Variants in AATK observed in about 807,000 individuals in gnomAD.
The protein encoded by AATK is lemur tail kinase 1.
AATK carries 91 observed loss-of-function variants against 114.3 expected under a neutral mutation model. That is an observed-to-expected ratio of 0.80 (90% CI 0.67 to 0.95). AATK has a LOEUF of 0.95. Ranked by LOEUF, AATK falls within the 40% of genes least tolerant of loss-of-function variation. The pLI is 0.00. For missense variants in AATK, 2,176 were observed against 1,965.2 expected (o/e 1.11, Z -2.03); for synonymous variants, 1,075 against 916.5 (o/e 1.17, Z -3.12).
chr17:81,130,441 G>A (rs1227407692), intron 3 of AATK, among the ~76,000 whole-genome samples: 1 of 152,270 alleles, frequency 6.6e-6, no homozygotes, highest in South Asian at 2.1e-4. Context: ...CCTAGGATGG[G>A]GGCAGATGAG....
At chr17:81,129,558 C>G (rs369854419) in intron 3 of AATK, among the ~76,000 whole-genome samples, 116 of 152,328 alleles carry the variant, frequency 7.6e-4, no homozygotes, top group African/African-American at 2.7e-3. Flanking sequence ...CAATCTCTCT[C>G]CTCCCTAGAA....
At position 81,126,391 on chromosome 17, in the gene AATK, AGGGCTTCCCGGCCGCT is replaced by A. The variant is rs776192439; in HGVS notation, c.755+20_755+35del. 8.5e-6 allele frequency: 13 copies of A among 1,538,206 alleles called. No homozygotes were observed. In the South Asian group the frequency reaches 1.6e-4, roughly 18 times the overall value. Reference sequence around the variant, plus strand: ...TTCCTTCAGGGGAGGGGCCTGGCCTAGGGCTTCCCGGCCGCTGGCCCGCGCCCGCCCTCACCTGTGC... The same window carrying A: ...TTCCTTCAGGGGAGGGGCCTGGCCTAGGCCCGCGCCCGCCCTCACCTGTGC... On this transcript the variant is annotated intron_variant, in intron 7 of 13. Transcript: ENST00000326724. The surrounding 1 kb of genome is among the most constrained non-coding windows in gnomAD (Gnocchi z 5.1).
In AATK at chr17:81,120,987, G is replaced by A; in HGVS notation, c.2949C>T (p.Leu983=). The change falls in exon 11 of 14, where the codon CTC becomes CTT. Residue 983 remains leucine (L), a synonymous_variant. Coordinates refer to ENST00000326724, the MANE Select transcript of AATK (RefSeq NM_001080395.3). ...AGGGATTCTTCTCGTTGAGGCCACT[G>A]AGGGAGGTGGAGAGCCGTGTCTCGG... ...PGPETRLSTS[L]SGLNEKNPYR... is the part of the protein sequence containing the mutation. 6.2e-7 allele frequency: 1 copy of A among 1,610,602 alleles called. No individual in the cohort carries two copies. The highest frequency in any genetic ancestry group is 8.5e-7 in the Non-Finnish European group (1 of 1,179,084).
rs1043388691 is a variant in AATK, at chr17:81,118,086, C to T, written c.*316G>A. 1.3e-5 allele frequency: 4 copies of T among 311,614 alleles called. No individual in the cohort carries two copies. The highest frequency in any genetic ancestry group is 1.8e-5 in the Non-Finnish European group (3 of 167,578). The allele number at this position is 311,614 out of a possible 1,614,324, so 19.3% of individuals were successfully genotyped here. Reference sequence around the variant, plus strand: ...AGGCAGGGCAGAGGGTGGGGGCCGCCGTGCCCAGGGGCACTGGCCCCTTTT... The same window carrying T: ...AGGCAGGGCAGAGGGTGGGGGCCGCTGTGCCCAGGGGCACTGGCCCCTTTT... On this transcript the variant is annotated 3_prime_UTR_variant, in exon 14 of 14. Coordinates refer to ENST00000326724, the MANE Select transcript of AATK (RefSeq NM_001080395.3).
chr17:81,119,355 T>C lies in AATK; in HGVS notation c.4084+25A>G, dbSNP rs753244278. The C allele has an allele frequency of 1.5e-4, 53 of 344,594 alleles. No homozygotes were observed. The African/African-American group carries it at 2.4e-3, about 16-fold the overall frequency. The allele number at this position is 344,594 out of a possible 1,614,324, so 21.3% of individuals were successfully genotyped here. The stretch of plus-strand genomic sequence containing the variant: ...GTGCCCTGCCTCCCGCGTGCCCTTC[T>C]GCCACAGCCCCGCCCAGGCCTCACC... On this transcript the variant is annotated intron_variant, in intron 13 of 13. Transcript: ENST00000326724.
At chr17:81,118,539 A>C in intron 13 of AATK, 97 bp from the exon 14 acceptor site, 3 of 1,305,182 alleles carry the variant, frequency 2.3e-6, no homozygotes, top group Admixed American at 2.0e-5. Flanking sequence ...GCCCACATAC[A>C]GGCCGGGCCC....
At chr17:81,148,574 T>C (rs1012294292) in intron 1 of AATK, among the ~76,000 whole-genome samples, 1 of 152,224 alleles carries the variant, frequency 6.6e-6, no homozygotes, top group Non-Finnish European at 1.5e-5. Flanking sequence ...ATGAGGTACC[T>C]GGGGATGAGC....
chr17:81,124,714 G>A lies in AATK; in HGVS notation c.962+13C>T. On this transcript the variant is annotated intron_variant, in intron 9 of 13. Transcript: ENST00000326724. ...GCCTCGGCCCCTCACGGTGCCACCA[G>A]GGCCGCACTCACCACACATTCCCGC... The A allele has an allele frequency of 6.2e-7, 1 of 1,612,168 alleles. No individual in the cohort carries two copies. Among genetic ancestry groups the A allele is most frequent in the Non-Finnish European group, 8.5e-7 (1 of 1,179,400 alleles).
chr17:81,146,573 G>A lies in AATK; in HGVS notation c.56-12072C>T, dbSNP rs183241133. Among the ~76,000 whole-genome samples the A allele has an allele frequency of 7.3e-3, 1,108 of 152,076 alleles. 40 individuals carry two copies. The highest frequency in any genetic ancestry group is 0.066 in the Admixed American group (1,008 of 15,278). ...TCTACTAAAAATACAAAAATTAGCCGGGCATGGTGGCAGGTGCCTGTAGTC... is the reference window on the plus strand; with the variant it reads ...TCTACTAAAAATACAAAAATTAGCCAGGCATGGTGGCAGGTGCCTGTAGTC... On this transcript the variant is annotated intron_variant, in intron 1 of 13. Transcript: ENST00000326724.
Position 81,131,121 on chromosome 17 carries a change from C to A in AATK, c.274G>T (p.Val92Leu). ...PATAAQNGPD[V>L]YVLPLTEVSL... is the part of the protein sequence containing the mutation. ...ACCTCCGTGAGTGGCAGGACGTACA[C>A]GTCGGGCCCGTTCTGTGCTGCCGTG... is the stretch of plus-strand genomic sequence containing the variant. The change falls in exon 3 of 14, where the codon GTG becomes TTG. Residue 92 changes from valine (V) to leucine (L), a missense_variant. Physicochemically the swap from Val to Leu is conservative, Grantham distance 32. Coordinates refer to ENST00000326724, the MANE Select transcript of AATK (RefSeq NM_001080395.3). 1 of 1,562,932 alleles carries A rather than the reference C, an allele frequency of 6.4e-7. No homozygotes were observed.
chr17:81,123,368 G>A, intron 9 of AATK, 25 bp from the exon 10 acceptor site: 1 of 1,345,448 alleles, frequency 7.4e-7, no homozygotes, highest in South Asian at 1.9e-5. Context: ...CCGTGAGCCA[G>A]GGCTGGGCAC....
At chr17:81,130,194 C>T (rs1031382106) in intron 3 of AATK, among the ~76,000 whole-genome samples, 11 of 152,372 alleles carry the variant, frequency 7.2e-5, no homozygotes, top group Middle Eastern at 3.4e-3. Context: ...GCAGGGGCCC[C>T]TCCCACTGGC....
At chr17:81,128,051 G>T in intron 4 of AATK, 141 bp from the exon 5 acceptor site, 1 of 1,021,282 alleles carries the variant, frequency 9.8e-7, no homozygotes. Flanking sequence ...TCATTGCAGC[G>T]TGAGGTATGG....
intron 1 of AATK, among the ~76,000 whole-genome samples, chr17:81,139,992 C>T (rs1011697390): frequency 8.5e-5 from 13 of 152,230 alleles, no homozygotes; most frequent in Middle Eastern, 3.2e-3. Context: ...GAATCAGCCA[C>T]CCTCAGGACC....
At chr17:81,131,912 C>T (rs368795616) in intron 2 of AATK, 63 of 1,340,548 alleles carry the variant, frequency 4.7e-5, no homozygotes, top group Non-Finnish European at 5.9e-5. Flanking sequence ...CTGCCACCGC[C>T]ATCTGCCCCA....
intron 6 of AATK, among the ~76,000 whole-genome samples, chr17:81,127,352 T>G (rs1017854857): frequency 6.6e-6 from 1 of 151,516 alleles, no homozygotes; most frequent in African/African-American, 2.4e-5. Context: ...TCCCCAGGGG[T>G]GCAGGGAGCC....
At chr17:81,155,598 C>A (rs1398159150) in intron 1 of AATK, among the ~76,000 whole-genome samples, 1 of 152,034 alleles carries the variant, frequency 6.6e-6, no homozygotes, top group Non-Finnish European at 1.5e-5. Flanking sequence ...CTTGGCCAGG[C>A]TGGTCTCGAA....
chr17:81,139,097 C>A (rs2061083706), intron 1 of AATK, among the ~76,000 whole-genome samples: 1 of 152,244 alleles, frequency 6.6e-6, no homozygotes, highest in African/African-American at 2.4e-5. Flanking sequence ...TGTGCACACA[C>A]ATCCCCTGGC....
chr17:81,154,319 CTTTTTTT>C (rs202002919), intron 1 of AATK, among the ~76,000 whole-genome samples: 1 of 113,802 alleles, frequency 8.8e-6, no homozygotes, highest in Non-Finnish European at 1.7e-5. Flanking sequence ...TTTTTTCTTT[CTTTTTTT>C]TTTTTTTTTT....
Sources: gnomAD v4.1 joint callset for allele counts (sites outside exome capture counted in the v4.1 genomes callset) on GRCh38, gnomAD v4.1.1 for gene constraint, Gnocchi (gnomAD v3.1) non-coding constraint, MANE v1.5 for transcripts, NCBI Gene and HGNC (gene_info 2026-07-23, HGNC 2026-07-21) for gene names.